NEDD4L: variants seen among roughly 807,000 people sequenced by gnomAD.
NEDD4L encodes E3 ubiquitin-protein ligase NEDD4-like.
Under a neutral mutation model 148.9 loss-of-function variants are expected in NEDD4L, and 54 were observed. The observed-to-expected ratio is 0.36, with a 90% CI of 0.29 to 0.45. The LOEUF is 0.45. NEDD4L is among the 20% of genes least tolerant of loss of function. The pLI is 1.00. For missense variants in NEDD4L, 856 were observed against 1,233.8 expected (o/e 0.69, Z 4.59); for synonymous variants, 433 against 440.7 (o/e 0.98, Z 0.22).
intron 1 of NEDD4L, among the ~76,000 whole-genome samples, chr18:58,081,375 C>G (rs1412005505): frequency 6.6e-6 from 1 of 151,822 alleles, no homozygotes; most frequent in African/African-American, 2.4e-5. Flanking sequence ...ACCACCGCGC[C>G]CGGCTAATTT....
chr18:58,251,275 C>T (rs990355767), intron 4 of NEDD4L, among the ~76,000 whole-genome samples: 2 of 152,186 alleles, frequency 1.3e-5, no homozygotes, highest in Non-Finnish European at 2.9e-5. Flanking sequence ...CCTGTAATCC[C>T]AGCACTTTGA....
At chr18:58,381,116 A>G (rs2048281309) in intron 24 of NEDD4L, among the ~76,000 whole-genome samples, 1 of 152,200 alleles carries the variant, frequency 6.6e-6, no homozygotes, top group South Asian at 2.1e-4. Context: ...GTACTTGACT[A>G]ATTTTTTTCC....
At chr18:58,106,519 G>A (rs772508618) in intron 1 of NEDD4L, among the ~76,000 whole-genome samples, 1 of 152,156 alleles carries the variant, frequency 6.6e-6, no homozygotes. Context: ...GTGAAGGGGG[G>A]CCGGTTCCCA....
At chr18:58,264,839 AAT>A (rs1434206658) in intron 5 of NEDD4L, among the ~76,000 whole-genome samples, 3 of 152,110 alleles carry the variant, frequency 2.0e-5, no homozygotes, top group African/African-American at 7.2e-5. Flanking sequence ...CTTTTGCAGT[AAT>A]AGAGAATATT....
chr18:58,355,709 C>T (rs2044519254), intron 18 of NEDD4L, among the ~76,000 whole-genome samples: 1 of 151,946 alleles, frequency 6.6e-6, no homozygotes, highest in South Asian at 2.1e-4. Context: ...CTTTTGCTTC[C>T]ATCAAGATTC....
Position 58,349,566 on chromosome 18 carries a change from T to C in NEDD4L, c.1605T>C (p.His535=). ...ATCCACGTTTGAAATTTCCAGTACA[T>C]ATGCGGTCAAAGACATCTTTAAACC... ...WEDPRLKFPV[H]MRSKTSLNPN... Residue 535 remains histidine (H), a synonymous_variant, in exon 17 of 31, where the codon CAT becomes CAC. Transcript: ENST00000400345. 4 of 1,614,010 alleles carry C rather than the reference T, an allele frequency of 2.5e-6. No homozygotes were observed. In the South Asian group the frequency reaches 4.4e-5, roughly 18 times the overall value.
chr18:58,366,479 C>T lies in NEDD4L; in HGVS notation c.2063+251C>T. The T allele has an allele frequency of 2.8e-6, 1 of 357,558 alleles. No homozygotes were observed. Among genetic ancestry groups the T allele is most frequent in the Non-Finnish European group, 5.0e-6 (1 of 199,834 alleles). The allele number at this position is 357,558 out of a possible 1,614,324, so 22.1% of individuals were successfully genotyped here. On this transcript the variant is annotated intron_variant, in intron 21 of 30. Transcript: ENST00000400345. The surrounding 1 kb of genome is among the most constrained non-coding windows in gnomAD (Gnocchi z 4.2). ...GGGTTCATGGAGTTGAAATTGAAAA[C>T]GTGGATAATTATGATAAGGAACAGG...
In NEDD4L at chr18:58,094,992, A is replaced by G. The variant is rs1599232749; in HGVS notation, c.48+50284A>G. Among the ~76,000 whole-genome samples the G allele has an allele frequency of 4.6e-5, 7 of 152,018 alleles. No homozygotes were observed. In the South Asian group the frequency reaches 1.5e-3, roughly 32 times the overall value. ...ATGTCATTAGCCCTTTGCTCACCAC[A>G]GAGTTGCTGACACATTAGACGATCT... On this transcript the variant is annotated intron_variant, in intron 1 of 30. Coordinates refer to ENST00000400345, the MANE Select transcript of NEDD4L (RefSeq NM_001144967.3).
chr18:58,373,632 G>A (rs997851955), intron 24 of NEDD4L, among the ~76,000 whole-genome samples: 2 of 152,246 alleles, frequency 1.3e-5, no homozygotes, highest in Admixed American at 1.3e-4. Flanking sequence ...AGGAGTGGGT[G>A]ATGTTGGAAG....
intron 1 of NEDD4L, among the ~76,000 whole-genome samples, chr18:58,116,027 A>G (rs1332258484): frequency 2.6e-5 from 4 of 152,150 alleles, no homozygotes; most frequent in African/African-American, 9.7e-5. Context: ...CGGTACAGCC[A>G]ACTTTCCCCC....
chr18:58,323,328 C>T lies in NEDD4L; in HGVS notation c.507C>T (p.Asp169=), dbSNP rs1213871294. 5.1e-6 allele frequency: 8 copies of T among 1,572,136 alleles called. No individual in the cohort carries two copies. The highest frequency in any genetic ancestry group is 7.0e-6 in the Non-Finnish European group (8 of 1,150,330). The change falls in exon 8 of 31, where the codon GAC becomes GAT. Residue 169 remains aspartate, a synonymous_variant. Transcript: ENST00000400345. The stretch of plus-strand genomic sequence containing the variant: ...AAGAAAACAGTGACCAGAGGGATGA[C>T]ATGGAGGTACGTGGAGGGCGTCAGG... The part of the protein sequence containing the change: ...QDEENSDQRD[D]MEHGWEVVDS...
chr18:58,326,668 C>T (rs182234940), intron 9 of NEDD4L, among the ~76,000 whole-genome samples: 1 of 152,292 alleles, frequency 6.6e-6, no homozygotes, highest in Admixed American at 6.5e-5. Flanking sequence ...GGTAGATCCT[C>T]ATGCGACCTC....
At chr18:58,266,252 A>G (rs1600444771) in intron 5 of NEDD4L, among the ~76,000 whole-genome samples, 1 of 152,102 alleles carries the variant, frequency 6.6e-6, no homozygotes, top group African/African-American at 2.4e-5. Context: ...GTTTCACATC[A>G]TAGAAAAAGC....
At chr18:58,348,766 A>T (rs1472844431) in intron 16 of NEDD4L, among the ~76,000 whole-genome samples, 1 of 152,190 alleles carries the variant, frequency 6.6e-6, no homozygotes, top group Non-Finnish European at 1.5e-5. Flanking sequence ...GGTCTGTTGC[A>T]GGATTTTACA....
chr18:58,282,724 G>A (rs1374579143), intron 5 of NEDD4L, among the ~76,000 whole-genome samples: 2 of 152,172 alleles, frequency 1.3e-5, no homozygotes, highest in Admixed American at 1.3e-4. Flanking sequence ...TACTGTATAT[G>A]AGCTCATGAA....
At position 58,349,443 on chromosome 18, in the gene NEDD4L, G is replaced by T. The variant is rs926617512; in HGVS notation, c.1576-94G>T. The T allele has an allele frequency of 4.4e-5, 42 of 954,170 alleles. No individual in the cohort carries two copies. In the African/African-American group the frequency reaches 5.8e-4, roughly 13 times the overall value. 59.1% of individuals were successfully genotyped at this position (954,170 alleles called of 1,614,324 possible). A position where few individuals can be genotyped will look rare whatever the true frequency, so the allele number is the denominator to read the frequency against. Reference sequence around the variant, plus strand: ...CGCTCCAGGCATGGACAGCCTGGTTGCCTTGAAACAAACAGCTCAAGAAGA... The same window carrying T: ...CGCTCCAGGCATGGACAGCCTGGTTTCCTTGAAACAAACAGCTCAAGAAGA... On this transcript the variant is annotated intron_variant, in intron 16 of 30. Transcript: ENST00000400345.
chr18:58,215,846 AT>A (rs1372085362), intron 2 of NEDD4L, among the ~76,000 whole-genome samples: 1 of 152,106 alleles, frequency 6.6e-6, no homozygotes. Flanking sequence ...GATATAGTCT[AT>A]TTTGGTGATT....
intron 1 of NEDD4L, among the ~76,000 whole-genome samples, chr18:58,092,378 T>C (rs1278551210): frequency 6.6e-6 from 1 of 152,118 alleles, no homozygotes; most frequent in Non-Finnish European, 1.5e-5. Flanking sequence ...GCAGGAAAGA[T>C]TGCCCAGCAA....
At chr18:58,052,714 C>T (rs565224035) in intron 1 of NEDD4L, among the ~76,000 whole-genome samples, 1 of 151,478 alleles carries the variant, frequency 6.6e-6, no homozygotes, top group Non-Finnish European at 1.5e-5. Flanking sequence ...GCCTATAATC[C>T]TAGCACTTTG....
Sources: gnomAD v4.1 joint callset for allele counts (sites outside exome capture counted in the v4.1 genomes callset) on GRCh38, gnomAD v4.1.1 for gene constraint, Gnocchi (gnomAD v3.1) non-coding constraint, MANE v1.5 for transcripts, NCBI Gene and HGNC (gene_info 2026-07-23, HGNC 2026-07-21) for gene names.